MAGOHB: variants seen among roughly 807,000 people sequenced by gnomAD.
MAGOHB encodes the protein protein mago nashi homolog 2.
Under a neutral mutation model 20.9 loss-of-function variants are expected in MAGOHB, and 15 were observed. The observed-to-expected ratio is 0.72, with a 90% CI of 0.48 to 1.11. The LOEUF is 1.11. MAGOHB is among the 50% of genes least tolerant of loss of function. The pLI, the probability that MAGOHB is intolerant of heterozygous loss-of-function variation, is 0.00. For missense variants in MAGOHB, 162 were observed against 177.6 expected (o/e 0.91, Z 0.50); for synonymous variants, 50 against 57.9 (o/e 0.86, Z 0.62).
At chr12:10,609,591 T>C (rs1224526544) in intron 3 of MAGOHB, 2 of 512,394 alleles carry the variant, frequency 3.9e-6, no homozygotes, top group Non-Finnish European at 7.0e-6. Context: ...CATCCTAACG[T>C]TGGCTGGGGT....
intron 2 of MAGOHB, 45 bp downstream of exon 2, chr12:10,610,577 C>CAAAAATA (rs1865711022): frequency 1.6e-6 from 1 of 630,820 alleles, no homozygotes; most frequent in African/African-American, 3.8e-5. Flanking sequence ...GGGCTAAATG[C>CAAAAATA]AAAAAAAAAA....
At position 10,613,582 on chromosome 12, in the gene MAGOHB, G is replaced by T. The variant is rs761636486; in HGVS notation, c.-50C>A. The T allele has an allele frequency of 3.2e-6, 4 of 1,253,088 alleles. No individual in the cohort carries two copies. Among genetic ancestry groups the T allele is most frequent in the African/African-American group, 1.5e-5 (1 of 68,094 alleles). The allele number at this position is 1,253,088 out of a possible 1,614,324, so 77.6% of individuals were successfully genotyped here. A position where few individuals can be genotyped will look rare whatever the true frequency, so the allele number is the denominator to read the frequency against. ...AAACGCAGCCAACGTGTCCCCCGGCGCCTTGCAGTGACGTCATCGCGCGGA... is the reference window on the plus strand; with the variant it reads ...AAACGCAGCCAACGTGTCCCCCGGCTCCTTGCAGTGACGTCATCGCGCGGA... On this transcript the variant is annotated 5_prime_UTR_variant, in exon 1 of 5. Coordinates refer to ENST00000320756, the MANE Select transcript of MAGOHB (RefSeq NM_018048.5).
At chr12:10,603,846 A>G (rs1189932606), downstream of MAGOHB, among the ~76,000 whole-genome samples, 1 of 152,168 alleles carries the variant, frequency 6.6e-6, no homozygotes, top group Non-Finnish European at 1.5e-5. Context: ...GAATCCAGTT[A>G]TTAATTAAAG....
At chr12:10,607,787 T>C (rs547169299) in intron 4 of MAGOHB, 67 bp downstream of exon 4, 4 of 848,038 alleles carry the variant, frequency 4.7e-6, no homozygotes, top group Non-Finnish European at 7.7e-6. Flanking sequence ...GCTAGCAAAC[T>C]GACTATAGTT....
At chr12:10,608,616 A>AAAC (rs1865671369) in intron 3 of MAGOHB, 1 of 151,638 alleles carries the variant, frequency 6.6e-6, no homozygotes, top group Admixed American at 6.6e-5. Context: ...AAAAAAAAAA[A>AAAC]ACCAACCTAA....
At chr12:10,603,382 TTCTTG>T (rs1391129594), downstream of MAGOHB, among the ~76,000 whole-genome samples, 1 of 151,738 alleles carries the variant, frequency 6.6e-6, no homozygotes, top group African/African-American at 2.4e-5. Flanking sequence ...CTGTTTGTCT[TTCTTG>T]TCTTTACAGT....
At position 10,604,215 on chromosome 12, in the gene MAGOHB, T is replaced by C. The variant is rs2120493679; in HGVS notation, c.*2060A>G. ...TGATTATTTCAAGTGGTCTCTTTAT[T>C]AAGGAAGGAGGTAAAAGGAACATAA... is the stretch of plus-strand genomic sequence containing the variant. On this transcript the variant is annotated 3_prime_UTR_variant, in exon 5 of 5. Coordinates refer to ENST00000320756, the MANE Select transcript of MAGOHB (RefSeq NM_018048.5). The C allele has an allele frequency of 1.3e-5, 2 of 152,290 alleles. No homozygotes were observed. The highest frequency in any genetic ancestry group is 6.8e-3 in the Middle Eastern group (2 of 294). The allele number at this position is 152,290 out of a possible 1,614,324, so 9.4% of individuals were successfully genotyped here.
At chr12:10,600,185 A>T (rs372491116), downstream of MAGOHB, among the ~76,000 whole-genome samples, 27 of 151,980 alleles carry the variant, frequency 1.8e-4, no homozygotes, top group African/African-American at 5.8e-4. Context: ...TGTGCTTACT[A>T]TCAAGGTTGG....
At position 10,604,445 on chromosome 12, in the gene MAGOHB, G is replaced by A. The variant is rs1865588996; in HGVS notation, c.*1830C>T. On this transcript the variant is annotated 3_prime_UTR_variant, in exon 5 of 5. Coordinates refer to ENST00000320756, the MANE Select transcript of MAGOHB (RefSeq NM_018048.5). ...AATTCTAGTAGATAGTGGGGATAGAGCTAAATAAACGAAAACGTAAGGAAG... is the reference window on the plus strand; with the variant it reads ...AATTCTAGTAGATAGTGGGGATAGAACTAAATAAACGAAAACGTAAGGAAG... The A allele has an allele frequency of 6.6e-6, 1 of 152,304 alleles. No homozygotes were observed. Among genetic ancestry groups the A allele is most frequent in the South Asian group, 2.1e-4 (1 of 4,826 alleles). The allele number at this position is 152,304 out of a possible 1,614,324, so 9.4% of individuals were successfully genotyped here.
In MAGOHB at chr12:10,604,876, C is replaced by T. The variant is rs1865596564; in HGVS notation, c.*1399G>A. On this transcript the variant is annotated 3_prime_UTR_variant, in exon 5 of 5. Transcript: ENST00000320756. ...CTCCATGGCAAACAGGTTACCAAGC[C>T]ATGCTCTAGAGCTATACTGTCCAAA... 2 of 152,176 alleles carry T rather than the reference C, an allele frequency of 1.3e-5. No individual in the cohort carries two copies. Among genetic ancestry groups the T allele is most frequent in the Admixed American group, 6.5e-5 (1 of 15,272 alleles). 9.4% of individuals were successfully genotyped at this position (152,176 alleles called of 1,614,324 possible).
chr12:10,613,094 G>A, intron 1 of MAGOHB: 1 of 550,988 alleles, frequency 1.8e-6, no homozygotes, highest in Non-Finnish European at 2.9e-6. Flanking sequence ...AAAGGTACTG[G>A]TCACCACAAG....
At chr12:10,601,843 A>G (rs1865558121), downstream of MAGOHB, among the ~76,000 whole-genome samples, 1 of 152,230 alleles carries the variant, frequency 6.6e-6, no homozygotes, top group African/African-American at 2.4e-5. Flanking sequence ...AGCACTACAG[A>G]CAGGATTTCT....
At chr12:10,609,475 A>T in intron 3 of MAGOHB, 2 of 379,296 alleles carry the variant, frequency 5.3e-6, no homozygotes, top group Non-Finnish European at 1.0e-5. Flanking sequence ...TGCAAGTAAG[A>T]ATTTTAGAAG....
chr12:10,610,681 C>T lies in MAGOHB; in HGVS notation c.95-1G>A. On this transcript the variant is annotated splice_acceptor_variant, in intron 1 of 4. Transcript: ENST00000320756. LOFTEE classifies it high-confidence loss of function. Reference sequence around the variant, plus strand: ...CTGTTGTTGGCATATCTAAGCTTTCCTGTGGGAAGTGGAAAAAAATCAATT... The same window carrying T: ...CTGTTGTTGGCATATCTAAGCTTTCTTGTGGGAAGTGGAAAAAAATCAATT... The T allele has an allele frequency of 6.4e-7, 1 of 1,574,756 alleles. No individual in the cohort carries two copies. Among genetic ancestry groups the T allele is most frequent in the Non-Finnish European group, 8.6e-7 (1 of 1,167,410 alleles).
intron 1 of MAGOHB, 36 bp downstream of exon 1, chr12:10,613,403 C>G (rs776154453): frequency 6.3e-7 from 1 of 1,592,710 alleles, no homozygotes; most frequent in Non-Finnish European, 8.6e-7. Flanking sequence ...TCTCGCTCCC[C>G]TTTCCCAGCA....
At chr12:10,601,352 A>C (rs974786882), downstream of MAGOHB, among the ~76,000 whole-genome samples, 2 of 152,216 alleles carry the variant, frequency 1.3e-5, no homozygotes, top group Non-Finnish European at 2.9e-5. Context: ...TTGCATAAGG[A>C]AACATTATTG....
chr12:10,603,568 C>A (rs574480061), downstream of MAGOHB, among the ~76,000 whole-genome samples: 6 of 151,966 alleles, frequency 3.9e-5, no homozygotes, highest in South Asian at 1.3e-3. Flanking sequence ...AAAGGATTCC[C>A]GATGGCAATT....
Position 10,613,535 on chromosome 12 carries a change from T to C in MAGOHB, c.-3A>G, listed in dbSNP as rs762699673. 2 of 1,611,090 alleles carry C rather than the reference T, an allele frequency of 1.2e-6. No individual in the cohort carries two copies. The highest frequency in any genetic ancestry group is 1.7e-6 in the Non-Finnish European group (2 of 1,177,232). On this transcript the variant is annotated 5_prime_UTR_variant, in exon 1 of 5. Coordinates refer to ENST00000320756, the MANE Select transcript of MAGOHB (RefSeq NM_018048.5). Reference sequence around the variant, plus strand: ...TAGAAATCGCTAGCCACAGCCATTTTTGTACCCGGGAAGCCCGCCGAAAAC... The same window carrying C: ...TAGAAATCGCTAGCCACAGCCATTTCTGTACCCGGGAAGCCCGCCGAAAAC...
rs1277396443 is a variant in MAGOHB at position 10,604,752 on chromosome 12, T to C, written c.*1523A>G. On this transcript the variant is annotated 3_prime_UTR_variant, in exon 5 of 5. Coordinates refer to ENST00000320756, the MANE Select transcript of MAGOHB (RefSeq NM_018048.5). ...TTACATACAAAAGACCTGAAGATGATAGCGTACTTGCATAATGAAGTGGAA... is the reference window on the plus strand; with the variant it reads ...TTACATACAAAAGACCTGAAGATGACAGCGTACTTGCATAATGAAGTGGAA... 3 of 152,190 alleles carry C rather than the reference T, an allele frequency of 2.0e-5. No homozygotes were observed. The highest frequency in any genetic ancestry group is 7.2e-5 in the African/African-American group (3 of 41,450). 9.4% of individuals were successfully genotyped at this position (152,190 alleles called of 1,614,324 possible). A position where few individuals can be genotyped will look rare whatever the true frequency, so the allele number is the denominator to read the frequency against.
Sources: allele counts gnomAD v4.1 joint callset (sites outside exome capture counted in the v4.1 genomes callset), GRCh38; gene constraint gnomAD v4.1.1; transcripts MANE v1.5; gene names NCBI Gene and HGNC (gene_info 2026-07-23, HGNC 2026-07-21).